The following KAZN variants were observed in gnomAD, a reference collection of about 807,000 sequenced individuals.
KAZN encodes kazrin, periplakin interacting protein.
In KAZN, 40 loss-of-function variants were observed where a neutral mutation model predicts 87.4. The ratio of observed to expected loss-of-function variants is 0.46; its 90% confidence interval spans 0.36 to 0.60. The LOEUF is 0.60. KAZN is among the 20% of genes least tolerant of loss of function. The pLI, the probability that KAZN is intolerant of heterozygous loss-of-function variation, is 0.00. For synonymous variants in KAZN, 466 were observed against 458.3 expected (o/e 1.02, Z -0.22); for missense variants, 898 against 1,073.9 (o/e 0.84, Z 2.29).
At chr1:14,366,726 CT>C (rs1223846912) in intron 2 of KAZN, among the ~76,000 whole-genome samples, 8 of 152,356 alleles carry the variant, frequency 5.3e-5, no homozygotes, top group Admixed American at 3.9e-4. Flanking sequence ...TCTTTGAGCT[CT>C]GCCATCCACG....
At chr1:14,331,065 T>C (rs1656823415) in intron 2 of KAZN, among the ~76,000 whole-genome samples, 1 of 152,170 alleles carries the variant, frequency 6.6e-6, no homozygotes, top group Non-Finnish European at 1.5e-5. Flanking sequence ...GCAGCTAAGA[T>C]TTGCCCAATG....
chr1:14,139,637 T>C (rs1645188779), intron 1 of KAZN, among the ~76,000 whole-genome samples: 1 of 152,222 alleles, frequency 6.6e-6, no homozygotes, highest in African/African-American at 2.4e-5. Context: ...GACAATTAGC[T>C]TCTGCAGAGG....
chr1:15,081,047 G>A lies in KAZN; in HGVS notation c.1223-13133G>A, dbSNP rs533041527. ...AATGGTAGCATCTACTGCATAAGAG[G>A]GGCCACAGGTGACCCTGCTGTGGCT... On this transcript the variant is annotated intron_variant, in intron 8 of 14. Transcript: ENST00000376030. The surrounding 1 kb of genome is among the most constrained non-coding windows in gnomAD (Gnocchi z 4.1). Among the ~76,000 whole-genome samples, 136 of 152,384 alleles carry A rather than the reference G, an allele frequency of 8.9e-4. No individual in the cohort carries two copies. Among genetic ancestry groups the A allele is most frequent in the Non-Finnish European group, 1.6e-3 (109 of 68,042 alleles).
chr1:14,995,438 C>T (rs1667765436), intron 2 of KAZN, among the ~76,000 whole-genome samples: 1 of 152,114 alleles, frequency 6.6e-6, no homozygotes, highest in Non-Finnish European at 1.5e-5. Context: ...GCCTGGTCAA[C>T]GTGGTAAAAC....
In KAZN at chr1:14,608,623, C is replaced by T. The variant is rs148866646; in HGVS notation, c.226+9400C>T. On this transcript the variant is annotated intron_variant, in intron 1 of 14. Transcript: ENST00000376030. Reference sequence around the variant, plus strand: ...GACCTTCTCCCCCAGAGAAAGAGCGCGTCTTAAGGAGAAGGAAGATGTGGA... The same window carrying T: ...GACCTTCTCCCCCAGAGAAAGAGCGTGTCTTAAGGAGAAGGAAGATGTGGA... Among the ~76,000 whole-genome samples the T allele has an allele frequency of 1.4e-4, 22 of 152,186 alleles. 1 individual carries two copies. The East Asian group carries it at 2.7e-3, about 19-fold the overall frequency.
At chr1:14,087,874 C>T (rs1643890038) in intron 1 of KAZN, among the ~76,000 whole-genome samples, 3 of 151,794 alleles carry the variant, frequency 2.0e-5, no homozygotes, top group Non-Finnish European at 4.4e-5. Flanking sequence ...AGTAATTTTG[C>T]ATCTATACTT....
intron 1 of KAZN, among the ~76,000 whole-genome samples, chr1:13,993,069 G>T (rs1415859941): frequency 6.6e-6 from 1 of 152,112 alleles, no homozygotes; most frequent in Non-Finnish European, 1.5e-5. Flanking sequence ...TTGACCATGT[G>T]ATTTCCTTTA....
intron 2 of KAZN, among the ~76,000 whole-genome samples, chr1:14,398,430 A>T (rs1663082615): frequency 6.6e-6 from 1 of 152,214 alleles, no homozygotes; most frequent in Non-Finnish European, 1.5e-5. Context: ...GTGAGGATCG[A>T]ATGGGTTAAT....
At chr1:14,086,074 C>A (rs1643844263) in intron 1 of KAZN, among the ~76,000 whole-genome samples, 1 of 152,112 alleles carries the variant, frequency 6.6e-6, no homozygotes, top group South Asian at 2.1e-4. Context: ...CTGTTCAAAT[C>A]CCTTGCTCAT....
chr1:14,357,268 A>G (rs1375605882), intron 2 of KAZN, among the ~76,000 whole-genome samples: 1 of 152,122 alleles, frequency 6.6e-6, no homozygotes, highest in Admixed American at 6.5e-5. Context: ...TTGCATATTG[A>G]TTTTGTATCC....
At chr1:14,050,199 T>C (rs978633770) in intron 1 of KAZN, among the ~76,000 whole-genome samples, 5 of 151,872 alleles carry the variant, frequency 3.3e-5, no homozygotes, top group South Asian at 4.2e-4. Context: ...TACACATATG[T>C]GCACATGTGT....
chr1:15,085,553 C>T (rs1008020438), intron 8 of KAZN, among the ~76,000 whole-genome samples: 1 of 152,136 alleles, frequency 6.6e-6, no homozygotes, highest in African/African-American at 2.4e-5. Context: ...GTCTCGAACT[C>T]CTAGGCTCAA....
At chr1:15,018,827 G>C (rs1670381287) in intron 2 of KAZN, among the ~76,000 whole-genome samples, 2 of 152,104 alleles carry the variant, frequency 1.3e-5, no homozygotes, top group African/African-American at 4.8e-5. Flanking sequence ...CCCAGCAGCT[G>C]CCCTCCCCTC....
intron 1 of KAZN, chr1:14,692,437 C>A: frequency 3.9e-6 from 1 of 255,932 alleles, no homozygotes; most frequent in Non-Finnish European, 7.4e-6. Flanking sequence ...CCAAGCAATT[C>A]AACTTTTTCT....
intron 1 of KAZN, among the ~76,000 whole-genome samples, chr1:14,677,302 T>A (rs1276964254): frequency 1.3e-5 from 2 of 152,178 alleles, no homozygotes; most frequent in Non-Finnish European, 2.9e-5. Flanking sequence ...TGATATAACT[T>A]ATTTTTTGGA....
At chr1:14,812,083 G>C (rs1420363970) in intron 1 of KAZN, among the ~76,000 whole-genome samples, 1 of 152,158 alleles carries the variant, frequency 6.6e-6, no homozygotes, top group African/African-American at 2.4e-5. Context: ...GGGACACCGA[G>C]AGCTGTCACA....
intron 1 of KAZN, among the ~76,000 whole-genome samples, chr1:14,663,440 A>C (rs2148720058): frequency 6.6e-6 from 1 of 152,254 alleles, no homozygotes; most frequent in South Asian, 2.1e-4. Flanking sequence ...TCCTTTCTCG[A>C]TTGCCAGCTA....
At chr1:14,147,725 G>A (rs1366327338) in intron 1 of KAZN, among the ~76,000 whole-genome samples, 1 of 151,920 alleles carries the variant, frequency 6.6e-6, no homozygotes, top group Non-Finnish European at 1.5e-5. Context: ...GAACCTGGGA[G>A]GCAGAGGTTG....
chr1:14,000,993 G>A (rs146676456), intron 1 of KAZN, among the ~76,000 whole-genome samples: 17,912 of 151,374 alleles, frequency 0.12, 1,252 homozygotes, highest in South Asian at 0.24. Context: ...CGTTTTAGCC[G>A]GGATGGTCTC....
Sources: allele counts gnomAD v4.1 joint callset (sites outside exome capture counted in the v4.1 genomes callset), GRCh38; gene constraint gnomAD v4.1.1; non-coding constraint Gnocchi (gnomAD v3.1); transcripts MANE v1.5; gene names NCBI Gene and HGNC (gene_info 2026-07-23, HGNC 2026-07-21).